Variants in RBFOX1 observed in about 807,000 individuals in gnomAD.
RBFOX1 encodes RNA binding fox-1 homolog 1.
RBFOX1 carries 8 observed loss-of-function variants against 57.7 expected under a neutral mutation model. The ratio of observed to expected loss-of-function variants is 0.14; its 90% CI spans 0.08 to 0.25. RBFOX1 has a LOEUF of 0.25. Among genes scored for constraint, RBFOX1 ranks in the 10% least tolerant of loss-of-function variants. The probability of loss-of-function intolerance (pLI) is 1.00; values close to 1 mark genes in which losing one functional copy is unlikely to be tolerated. For missense variants in RBFOX1, 611 were observed against 548.5 expected, an observed-to-expected ratio of 1.11 and a Z score of -1.14; for synonymous variants, 326 against 222.4, an observed-to-expected ratio of 1.47 and a Z score of -4.15.
chr16:5,868,103 A>G (rs1186902533), intron 4 of RBFOX1, among the ~76,000 whole-genome samples: 3 of 152,228 alleles, frequency 2.0e-5, no homozygotes, highest in South Asian at 2.1e-4. Flanking sequence ...GAAGCTGTTC[A>G]GAAGTCACCA....
chr16:5,831,689 A>G (rs1365175453), intron 3 of RBFOX1, among the ~76,000 whole-genome samples: 3 of 151,898 alleles, frequency 2.0e-5, no homozygotes, highest in Non-Finnish European at 2.9e-5. Context: ...GGGTTTCACC[A>G]TGTTGGAGAG....
At chr16:7,086,455 T>G (rs1031324160) in intron 4 of RBFOX1, among the ~76,000 whole-genome samples, 8 of 152,186 alleles carry the variant, frequency 5.3e-5, no homozygotes, top group African/African-American at 1.9e-4. Flanking sequence ...CTGGGCAAAT[T>G]GCATTCCCCA....
intron 2 of RBFOX1, among the ~76,000 whole-genome samples, chr16:6,520,757 A>T (rs2096483161): frequency 6.6e-6 from 1 of 152,312 alleles, no homozygotes; most frequent in East Asian, 1.9e-4. Flanking sequence ...ATCAAGTGCC[A>T]GTCCCTTGAT....
intron 1 of RBFOX1, among the ~76,000 whole-genome samples, chr16:5,442,571 G>T (rs2068116739): frequency 6.6e-6 from 1 of 152,210 alleles, no homozygotes; most frequent in African/African-American, 2.4e-5. Flanking sequence ...AATCCCCGAG[G>T]GAAGGGAGGA....
chr16:6,927,359 G>A (rs1191733448), intron 3 of RBFOX1, among the ~76,000 whole-genome samples: 1 of 134,886 alleles, frequency 7.4e-6, no homozygotes, highest in South Asian at 2.4e-4. Context: ...GTTGCAGTGA[G>A]CTGAGATCGC....
intron 4 of RBFOX1, among the ~76,000 whole-genome samples, chr16:7,352,842 A>T (rs2097152475): frequency 6.6e-6 from 1 of 152,054 alleles, no homozygotes; most frequent in Non-Finnish European, 1.5e-5. Flanking sequence ...CAACCTCCCA[A>T]GTAGCTGGGA....
chr16:6,996,729 T>C (rs912326243), intron 3 of RBFOX1, among the ~76,000 whole-genome samples: 1 of 152,204 alleles, frequency 6.6e-6, no homozygotes, highest in Non-Finnish European at 1.5e-5. Flanking sequence ...ATACAAATAA[T>C]GCTTTGCAAT....
chr16:7,106,752 A>T (rs1382477), intron 4 of RBFOX1, among the ~76,000 whole-genome samples: 47,398 of 151,840 alleles, frequency 0.31, 8,163 homozygotes, highest in South Asian at 0.38. Flanking sequence ...ACCAAGAAGC[A>T]CAAAATTTTT....
intron 1 of RBFOX1, among the ~76,000 whole-genome samples, chr16:6,170,131 A>G (rs1027611597): frequency 2.6e-5 from 4 of 152,278 alleles, no homozygotes; most frequent in African/African-American, 4.8e-5. Context: ...CTCAGGCCAC[A>G]TTTAGTTTGC....
intron 3 of RBFOX1, among the ~76,000 whole-genome samples, chr16:6,826,108 A>ATC: frequency 6.6e-6 from 1 of 151,978 alleles, no homozygotes; most frequent in South Asian, 2.1e-4. Flanking sequence ...TGTTTATTTC[A>ATC]TCTTGGTCAT....
chr16:6,762,716 G>C (rs914872298), intron 3 of RBFOX1, among the ~76,000 whole-genome samples: 15 of 152,158 alleles, frequency 9.9e-5, no homozygotes, highest in African/African-American at 3.6e-4. Flanking sequence ...AGAATAGGTT[G>C]AGTTCTAGAG....
At chr16:6,883,316 G>A (rs916201769) in intron 3 of RBFOX1, among the ~76,000 whole-genome samples, 9 of 152,126 alleles carry the variant, frequency 5.9e-5, no homozygotes, top group South Asian at 2.1e-4. Context: ...GAGCCCCTGG[G>A]AATTTGAATG....
chr16:6,864,804 G>C (rs557340180), intron 3 of RBFOX1, among the ~76,000 whole-genome samples: 3 of 151,906 alleles, frequency 2.0e-5, no homozygotes, highest in Admixed American at 6.6e-5. Flanking sequence ...AATAAGGAGA[G>C]ACATATGCTA....
At chr16:5,630,726 T>A (rs997034747) in intron 3 of RBFOX1, among the ~76,000 whole-genome samples, 1 of 152,154 alleles carries the variant, frequency 6.6e-6, no homozygotes, top group Admixed American at 6.5e-5. Flanking sequence ...GGCTTGTCAT[T>A]CATACCCAGG....
intron 14 of RBFOX1, among the ~76,000 whole-genome samples, chr16:7,688,252 TGTGTGTGTGAGAGA>T (rs1429854597): frequency 1.1e-4 from 12 of 109,996 alleles, no homozygotes; most frequent in Non-Finnish European, 5.7e-5. Flanking sequence ...TGTGTGTGTG[TGTGTGTGTGAGAGA>T]GAGAGAGAGA....
intron 3 of RBFOX1, among the ~76,000 whole-genome samples, chr16:6,854,267 G>T (rs1240935459): frequency 1.3e-5 from 2 of 152,108 alleles, no homozygotes; most frequent in African/African-American, 2.4e-5. Context: ...CCATTTCCTA[G>T]TTAGAGAATG....
chr16:7,055,196 T>C lies in RBFOX1; in HGVS notation c.27+3098T>C, dbSNP rs570051760. On this transcript the variant is annotated intron_variant, in intron 4 of 15. Coordinates refer to ENST00000550418, the MANE Select transcript of RBFOX1 (RefSeq NM_018723.4). ...TAGCCTTTAATTTGCAAAAATGAAATACAAAGAGTTGGATATAATATACAA... is the reference window on the plus strand; with the variant it reads ...TAGCCTTTAATTTGCAAAAATGAAACACAAAGAGTTGGATATAATATACAA... 4.7e-4 allele frequency among the ~76,000 whole-genome samples: 71 copies of C among 152,300 alleles called. No homozygotes were observed. In the South Asian group the frequency reaches 9.1e-3, roughly 20 times the overall value.
chr16:6,790,376 G>A (rs555851699), intron 3 of RBFOX1, among the ~76,000 whole-genome samples: 1 of 151,842 alleles, frequency 6.6e-6, no homozygotes, highest in Non-Finnish European at 1.5e-5. Context: ...GTAGAGATGG[G>A]GTTTCACCAT....
rs77067604 is a variant in RBFOX1 at position 7,512,296 on chromosome 16, T to C, written c.28-5851T>C. On this transcript the variant is annotated intron_variant, in intron 4 of 15. Coordinates refer to ENST00000550418, the MANE Select transcript of RBFOX1 (RefSeq NM_018723.4). ...GTGACCTGGAGTGGAAAAGGTGCCCTTAATGTCAGTGTATTTTTCCAGAAA... is the reference window on the plus strand; with the variant it reads ...GTGACCTGGAGTGGAAAAGGTGCCCCTAATGTCAGTGTATTTTTCCAGAAA... Among the ~76,000 whole-genome samples, 1,235 of 152,294 alleles carry C rather than the reference T, an allele frequency of 8.1e-3. 21 individuals are homozygous for C. Among genetic ancestry groups the C allele is most frequent in the African/African-American group, 0.028 (1,162 of 41,546 alleles).
Sources: allele counts gnomAD v4.1 joint callset (sites outside exome capture counted in the v4.1 genomes callset), GRCh38; gene constraint gnomAD v4.1.1; transcripts MANE v1.5; gene names NCBI Gene and HGNC (gene_info 2026-07-23, HGNC 2026-07-21).